Variants in GALNT10 observed in about 807,000 individuals in gnomAD.
The protein encoded by GALNT10 is GalNAc transferase 10.
A neutral mutation model predicts 75.0 loss-of-function variants in GALNT10; 41 were observed. The observed-to-expected ratio is 0.55, with a 90% CI of 0.43 to 0.71. The LOEUF is 0.71. GALNT10 is among the 30% of genes least tolerant of loss of function. The pLI, the probability that GALNT10 is intolerant of heterozygous loss-of-function variation, is 0.00. For missense variants in GALNT10, 727 were observed against 818.5 expected, an observed-to-expected ratio of 0.89 and a Z score of 1.36; for synonymous variants, 302 against 313.0, an observed-to-expected ratio of 0.96 and a Z score of 0.37.
At chr5:154,269,883 T>G (rs569406375) in intron 1 of GALNT10, among the ~76,000 whole-genome samples, 1 of 152,104 alleles carries the variant, frequency 6.6e-6, no homozygotes, top group South Asian at 2.1e-4. Context: ...AGGTGAGAGG[T>G]GGGACCTTGT....
rs368092009 is a variant in GALNT10 at position 154,376,507 on chromosome 5, C to T, written c.754+45C>T. 7 of 1,396,140 alleles carry T rather than the reference C, an allele frequency of 5.0e-6. No individual in the cohort carries two copies. In the African/African-American group the frequency reaches 5.8e-5, roughly 12 times the overall value. The allele number at this position is 1,396,140 out of a possible 1,614,324, so 86.5% of individuals were successfully genotyped here. ...TTGGAGGGAGGCAAACTGCAATGAGCCAGTGCCAGTGGCCCCCTCCTGCTG... is the reference window on the plus strand; with the variant it reads ...TTGGAGGGAGGCAAACTGCAATGAGTCAGTGCCAGTGGCCCCCTCCTGCTG... On this transcript the variant is annotated intron_variant, in intron 5 of 11. Transcript: ENST00000297107. This position sits in a 1 kb window ranked among gnomAD's most constrained non-coding sequence, Gnocchi z 4.1.
intron 4 of GALNT10, chr5:154,338,420 C>T (rs1020964509): frequency 1.1e-4 from 42 of 384,158 alleles, no homozygotes; most frequent in Non-Finnish European, 1.8e-4. Context: ...TCCTCAGCTG[C>T]TCGGGCTCTT....
At position 154,297,996 on chromosome 5, in the gene GALNT10, G is replaced by A. The variant is rs1256085892; in HGVS notation, c.318G>A (p.Gln106=). 1 of 1,613,048 alleles carries A rather than the reference G, an allele frequency of 6.2e-7. No individual in the cohort carries two copies. Among genetic ancestry groups the A allele is most frequent in the African/African-American group, 1.3e-5 (1 of 74,844 alleles). Residue 106 remains glutamine, a synonymous_variant, in exon 3 of 12, where the codon CAG becomes CAA. Coordinates refer to ENST00000297107, the MANE Select transcript of GALNT10 (RefSeq NM_198321.4). ...TGACCGATGCTGAGAGAGTGGATCA[G>A]GCATACCGAGAAAATGGATTTAACA... The part of the protein sequence containing the change: ...YPMTDAERVD[Q]AYRENGFNIY...
chr5:154,210,445 C>T (rs1349747470), intron 1 of GALNT10, among the ~76,000 whole-genome samples: 1 of 152,118 alleles, frequency 6.6e-6, no homozygotes, highest in Admixed American at 6.5e-5. Context: ...CCTCACCCTT[C>T]TAATGGCAGC....
rs1187940782 is a variant in GALNT10 at position 154,376,497 on chromosome 5, C to T, written c.754+35C>T. 6.7e-7 allele frequency: 1 copy of T among 1,491,874 alleles called. No individual in the cohort carries two copies. Among genetic ancestry groups the T allele is most frequent in the Non-Finnish European group, 9.0e-7 (1 of 1,105,872 alleles). The allele number at this position is 1,491,874 out of a possible 1,614,324, so 92.4% of individuals were successfully genotyped here. On this transcript the variant is annotated intron_variant, in intron 5 of 11. Coordinates refer to ENST00000297107, the MANE Select transcript of GALNT10 (RefSeq NM_198321.4). This position sits in a 1 kb window ranked among gnomAD's most constrained non-coding sequence, Gnocchi z 4.1. ...CCCCTCCCACTTGGAGGGAGGCAAA[C>T]TGCAATGAGCCAGTGCCAGTGGCCC...
chr5:154,337,691 T>G (rs1270471239), intron 4 of GALNT10: 8 of 1,175,088 alleles, frequency 6.8e-6, no homozygotes, highest in Non-Finnish European at 1.0e-5. Flanking sequence ...CATTACCAAA[T>G]CCATTATAGC....
At chr5:154,297,629 G>A (rs1754300082) in intron 2 of GALNT10, among the ~76,000 whole-genome samples, 1 of 152,148 alleles carries the variant, frequency 6.6e-6, no homozygotes, top group Admixed American at 6.5e-5. Flanking sequence ...GGAGTGAGGG[G>A]AGCATGGGTT....
At chr5:154,218,231 C>A in intron 1 of GALNT10, 1 of 594,230 alleles carries the variant, frequency 1.7e-6, no homozygotes, top group Non-Finnish European at 2.1e-6. Context: ...TAAAAGCCCT[C>A]CCAGGACTTC....
intron 1 of GALNT10, among the ~76,000 whole-genome samples, chr5:154,242,053 C>T (rs151245751): frequency 3.8e-4 from 58 of 152,310 alleles, no homozygotes; most frequent in African/African-American, 1.3e-3. Context: ...GTCCTTGTCT[C>T]ATGTGACTGG....
intron 4 of GALNT10, among the ~76,000 whole-genome samples, chr5:154,356,947 A>G (rs1215019048): frequency 6.6e-6 from 1 of 152,230 alleles, no homozygotes; most frequent in Non-Finnish European, 1.5e-5. Flanking sequence ...GTCTTAAAAG[A>G]TTCTTTTACC....
intron 3 of GALNT10, among the ~76,000 whole-genome samples, chr5:154,300,004 T>G (rs1482127257): frequency 6.6e-6 from 1 of 152,070 alleles, no homozygotes; most frequent in East Asian, 1.9e-4. Flanking sequence ...CTGGTGAATT[T>G]TTTGTATTTT....
At chr5:154,289,113 A>G (rs958600298) in intron 1 of GALNT10, among the ~76,000 whole-genome samples, 2 of 152,212 alleles carry the variant, frequency 1.3e-5, no homozygotes, top group Non-Finnish European at 2.9e-5. Context: ...CATGGTTATC[A>G]CAAACACTGG....
intron 3 of GALNT10, among the ~76,000 whole-genome samples, chr5:154,303,861 A>G (rs909342794): frequency 6.6e-6 from 1 of 152,236 alleles, no homozygotes; most frequent in Non-Finnish European, 1.5e-5. Flanking sequence ...CCACAGTGAC[A>G]AGTATAATCA....
At chr5:154,323,096 G>T (rs919128819) in intron 3 of GALNT10, among the ~76,000 whole-genome samples, 2 of 152,098 alleles carry the variant, frequency 1.3e-5, no homozygotes, top group African/African-American at 4.8e-5. Context: ...GATTGAATAG[G>T]GCTCAGCAAA....
At chr5:154,398,810 C>T (rs2113205172) in intron 7 of GALNT10, among the ~76,000 whole-genome samples, 1 of 152,280 alleles carries the variant, frequency 6.6e-6, no homozygotes, top group South Asian at 2.1e-4. Flanking sequence ...CAGGTTTTGC[C>T]ACCAAGTTAG....
chr5:154,212,562 C>A (rs1041197200), intron 1 of GALNT10, among the ~76,000 whole-genome samples: 1 of 152,198 alleles, frequency 6.6e-6, no homozygotes. Context: ...GTCTTAACAA[C>A]AGAGATTAAT....
At chr5:154,202,466 C>G (rs1216840685) in intron 1 of GALNT10, among the ~76,000 whole-genome samples, 2 of 152,194 alleles carry the variant, frequency 1.3e-5, no homozygotes, top group East Asian at 3.8e-4. Flanking sequence ...CTCAGTTCAT[C>G]AGCACTGTAA....
At chr5:154,253,324 T>C (rs1219401274) in intron 1 of GALNT10, among the ~76,000 whole-genome samples, 7 of 138,472 alleles carry the variant, frequency 5.1e-5, no homozygotes, top group African/African-American at 1.9e-4. Context: ...TTCTCACTCA[T>C]AGGTGGGAAT....
intron 1 of GALNT10, among the ~76,000 whole-genome samples, chr5:154,279,564 A>C (rs970970532): frequency 2.0e-5 from 3 of 151,736 alleles, no homozygotes; most frequent in African/African-American, 4.8e-5. Context: ...CGGCCTCCCA[A>C]AGTGCTAGTA....
Sources: gnomAD v4.1 joint callset for allele counts (sites outside exome capture counted in the v4.1 genomes callset) on GRCh38, gnomAD v4.1.1 for gene constraint, Gnocchi (gnomAD v3.1) non-coding constraint, MANE v1.5 for transcripts, NCBI Gene and HGNC (gene_info 2026-07-23, HGNC 2026-07-21) for gene names.